RNGTT: variants seen among roughly 807,000 people sequenced by gnomAD.
RNGTT encodes mRNA-capping enzyme.
Under a neutral mutation model 79.3 loss-of-function variants are expected in RNGTT, and 33 were observed. That is an observed-to-expected ratio of 0.42 (90% CI 0.32 to 0.56). RNGTT has a LOEUF of 0.56. RNGTT is among the 20% of genes least tolerant of loss of function. RNGTT has a pLI of 0.17. For missense variants in RNGTT, 497 were observed against 739.1 expected (o/e 0.67, Z 3.80); for synonymous variants, 222 against 235.9 (o/e 0.94, Z 0.54).
chr6:88,705,042 T>TC (rs1222513634), intron 13 of RNGTT, among the ~76,000 whole-genome samples: 1 of 152,148 alleles, frequency 6.6e-6, no homozygotes, highest in Non-Finnish European at 1.5e-5. Flanking sequence ...AGTAGTCTTC[T>TC]CATTACTAAA....
intron 13 of RNGTT, among the ~76,000 whole-genome samples, chr6:88,720,501 C>CTCAT (rs1776672296): frequency 2.0e-5 from 3 of 151,982 alleles, no homozygotes; most frequent in African/African-American, 7.2e-5. Flanking sequence ...TCATCCAAAC[C>CTCAT]CTGGACTTAA....
intron 15 of RNGTT, 49 bp downstream of exon 15, chr6:88,614,223 T>C (rs750024812): frequency 1.9e-6 from 3 of 1,595,210 alleles, no homozygotes; most frequent in Non-Finnish European, 2.6e-6. Flanking sequence ...GTCTAACACC[T>C]TAATTTTTGT....
intron 11 of RNGTT, among the ~76,000 whole-genome samples, chr6:88,839,823 G>T (rs1781206387): frequency 6.6e-6 from 1 of 152,028 alleles, no homozygotes; most frequent in African/African-American, 2.4e-5. Flanking sequence ...AAATAGAATC[G>T]CAATTTGAAA....
chr6:88,868,359 C>G (rs931363157), intron 8 of RNGTT, among the ~76,000 whole-genome samples: 9 of 152,202 alleles, frequency 5.9e-5, no homozygotes, highest in Admixed American at 1.3e-4. Context: ...AAAACTCTGA[C>G]ATGCTTCAAA....
At chr6:88,919,016 A>G (rs1216298843) in intron 4 of RNGTT, among the ~76,000 whole-genome samples, 1 of 152,238 alleles carries the variant, frequency 6.6e-6, no homozygotes, top group Non-Finnish European at 1.5e-5. Flanking sequence ...ATGCAAATAC[A>G]AAAAGTCTTA....
At chr6:88,704,268 A>AAAAAAC (rs1407514102) in intron 13 of RNGTT, among the ~76,000 whole-genome samples, 16 of 128,640 alleles carry the variant, frequency 1.2e-4, no homozygotes, top group African/African-American at 4.3e-4. Flanking sequence ...TCAAAAAAAA[A>AAAAAAC]AAAAAAAAAA....
intron 14 of RNGTT, among the ~76,000 whole-genome samples, chr6:88,643,298 C>T (rs928205950): frequency 2.0e-5 from 3 of 152,058 alleles, no homozygotes; most frequent in Non-Finnish European, 4.4e-5. Context: ...GAATATAGTA[C>T]TGAAAGGGAA....
chr6:88,769,219 G>C (rs1346385761), intron 13 of RNGTT, among the ~76,000 whole-genome samples: 1 of 151,978 alleles, frequency 6.6e-6, no homozygotes, highest in Non-Finnish European at 1.5e-5. Flanking sequence ...AGTGCAGCAG[G>C]GTGCAGTCTC....
intron 13 of RNGTT, among the ~76,000 whole-genome samples, chr6:88,691,071 G>A (rs142230587): frequency 3.3e-5 from 5 of 152,232 alleles, no homozygotes; most frequent in East Asian, 1.9e-4. Context: ...TTGTGTCCCC[G>A]CCCAAATCTC....
Position 88,697,493 on chromosome 6 carries a change from G to A in RNGTT, c.1440-19074C>T, listed in dbSNP as rs183102015. Among the ~76,000 whole-genome samples the A allele has an allele frequency of 1.8e-3, 276 of 152,100 alleles. 3 individuals are homozygous for A. The highest frequency in any genetic ancestry group is 6.5e-3 in the African/African-American group (270 of 41,496). ...ATGAACCTGGGAGGCGGAGCTTGTAGTGAGCAGAGATTATGCCACTGCACT... is the reference window on the plus strand; with the variant it reads ...ATGAACCTGGGAGGCGGAGCTTGTAATGAGCAGAGATTATGCCACTGCACT... On this transcript the variant is annotated intron_variant, in intron 13 of 15. Transcript: ENST00000369485.
chr6:88,949,389 G>A (rs1370920048), intron 1 of RNGTT, among the ~76,000 whole-genome samples: 1 of 150,146 alleles, frequency 6.7e-6, no homozygotes, highest in Non-Finnish European at 1.5e-5. Context: ...CTCAGCCCCT[G>A]TAGCTGGGAC....
chr6:88,729,703 T>G lies in RNGTT; in HGVS notation c.1439+40071A>C, dbSNP rs995773220. Among the ~76,000 whole-genome samples the G allele has an allele frequency of 7.9e-5, 12 of 152,256 alleles. No individual in the cohort carries two copies. The East Asian group carries it at 2.3e-3, about 29-fold the overall frequency. ...AAAATTGTGATAGGCTTAGACATGA[T>G]ATTAGCAAAAAGAGGAGTTTGTGTC... On this transcript the variant is annotated intron_variant, in intron 13 of 15. Coordinates refer to ENST00000369485, the MANE Select transcript of RNGTT (RefSeq NM_003800.5).
At chr6:88,897,950 G>C (rs963196828) in intron 6 of RNGTT, among the ~76,000 whole-genome samples, 4 of 152,086 alleles carry the variant, frequency 2.6e-5, no homozygotes, top group Non-Finnish European at 5.9e-5. Flanking sequence ...GTGAGCTCAG[G>C]ATGACCCCTC....
At chr6:88,827,811 C>A (rs552547788) in intron 11 of RNGTT, among the ~76,000 whole-genome samples, 4 of 152,288 alleles carry the variant, frequency 2.6e-5, no homozygotes, top group African/African-American at 9.6e-5. Flanking sequence ...CTCAGCTCCA[C>A]AAACTGCTGT....
intron 12 of RNGTT, among the ~76,000 whole-genome samples, chr6:88,771,350 T>TATATATACAC (rs376503141): frequency 5.2e-5 from 6 of 116,246 alleles, no homozygotes; most frequent in African/African-American, 1.5e-4. Context: ...TATATATATA[T>TATATATACAC]ACACACACAC....
chr6:88,890,729 A>G (rs1273257172), intron 7 of RNGTT, 133 bp from the exon 8 acceptor site: 1 of 518,146 alleles, frequency 1.9e-6, no homozygotes, highest in African/African-American at 2.0e-5. Flanking sequence ...CAGCTGGAAT[A>G]ACATCCGCTT....
intron 11 of RNGTT, among the ~76,000 whole-genome samples, chr6:88,810,461 C>G (rs1780099953): frequency 6.6e-6 from 1 of 152,024 alleles, no homozygotes; most frequent in South Asian, 2.1e-4. Flanking sequence ...TAAGTCAAAC[C>G]AAACATTGGG....
intron 9 of RNGTT, 34 bp downstream of exon 9, chr6:88,853,595 G>GT: frequency 7.2e-7 from 1 of 1,384,686 alleles, no homozygotes; most frequent in Non-Finnish European, 9.9e-7. Context: ...AAATGGCAAT[G>GT]TTTAATTTTA....
At chr6:88,635,288 C>A (rs1430841773) in intron 14 of RNGTT, among the ~76,000 whole-genome samples, 2 of 151,994 alleles carry the variant, frequency 1.3e-5, no homozygotes, top group African/African-American at 4.8e-5. Flanking sequence ...TTTGAAAATA[C>A]AAAATCCAGA....
Sources: gnomAD v4.1 joint callset for allele counts (sites outside exome capture counted in the v4.1 genomes callset) on GRCh38, gnomAD v4.1.1 for gene constraint, MANE v1.5 for transcripts, NCBI Gene and HGNC (gene_info 2026-07-23, HGNC 2026-07-21) for gene names.